Variants in OTOGL observed in about 807,000 individuals in gnomAD.
OTOGL encodes the protein otogelin-like protein.
In OTOGL, 285 loss-of-function variants were observed where a neutral mutation model predicts 318.5. The observed-to-expected ratio is 0.89, with a 90% confidence interval of 0.81 to 0.99. The LOEUF (loss-of-function observed/expected upper bound fraction) is 0.99. Among genes scored for constraint, OTOGL ranks in the 50% least tolerant of loss-of-function variants. The pLI, the probability that OTOGL is intolerant of heterozygous loss-of-function variation, is 0.00. For synonymous variants in OTOGL, 987 were observed against 936.5 expected (o/e 1.05, Z -0.99); for missense variants, 2,899 against 2,845.6 (o/e 1.02, Z -0.43).
chr12:80,175,531 A>C (rs999527710), intron 1 of OTOGL, among the ~76,000 whole-genome samples: 1 of 152,212 alleles, frequency 6.6e-6, no homozygotes, highest in Non-Finnish European at 1.5e-5. Context: ...GCATAAAAGG[A>C]ATAAGCATGA....
chr12:80,153,344 G>A (rs1295042296), intron 1 of OTOGL, among the ~76,000 whole-genome samples: 1 of 152,088 alleles, frequency 6.6e-6, no homozygotes, highest in Non-Finnish European at 1.5e-5. Context: ...ATCCACAAGG[G>A]TTCCAGCCTC....
At chr12:80,314,680 T>C (rs1214151581) in intron 32 of OTOGL, among the ~76,000 whole-genome samples, 1 of 152,150 alleles carries the variant, frequency 6.6e-6, no homozygotes, top group South Asian at 2.1e-4. Context: ...TATTTATAAA[T>C]GTAAACATTG....
intron 26 of OTOGL, among the ~76,000 whole-genome samples, chr12:80,284,518 C>T (rs1290130609): frequency 6.6e-6 from 1 of 152,302 alleles, no homozygotes; most frequent in East Asian, 1.9e-4. Flanking sequence ...GTTCCTATTT[C>T]TCCACATCCT....
intron 47 of OTOGL, 120 bp downstream of exon 47, chr12:80,356,068 C>G: frequency 8.7e-7 from 1 of 1,148,762 alleles, no homozygotes; most frequent in Non-Finnish European, 1.2e-6. Context: ...ATGTCATTTT[C>G]TCAAAGCAAG....
intron 22 of OTOGL, 110 bp downstream of exon 22, chr12:80,267,437 A>T: frequency 2.2e-6 from 1 of 452,696 alleles, no homozygotes; most frequent in South Asian, 9.0e-5. Context: ...GTTCTAGGGT[A>T]TATGTGTACA....
intron 29 of OTOGL, among the ~76,000 whole-genome samples, chr12:80,306,970 G>A (rs1886164922): frequency 6.7e-6 from 1 of 148,558 alleles, no homozygotes. Context: ...CGCAGTGTTT[G>A]TGTCCCTGAT....
intron 1 of OTOGL, among the ~76,000 whole-genome samples, chr12:80,127,631 G>A (rs1190173975): frequency 6.6e-6 from 1 of 152,214 alleles, no homozygotes. Flanking sequence ...ATCCTGCAGA[G>A]TGTTTTCCAA....
chr12:80,134,272 A>G (rs952204433), intron 1 of OTOGL, among the ~76,000 whole-genome samples: 1 of 152,160 alleles, frequency 6.6e-6, no homozygotes, highest in Non-Finnish European at 1.5e-5. Context: ...TAAGAATTCT[A>G]TTTCCATTTA....
intron 57 of OTOGL, among the ~76,000 whole-genome samples, chr12:80,373,880 C>G (rs912342056): frequency 2.0e-4 from 30 of 152,120 alleles, no homozygotes; most frequent in African/African-American, 7.0e-4. Context: ...ATTGCCAGGA[C>G]AAGTTTTAGG....
intron 26 of OTOGL, among the ~76,000 whole-genome samples, chr12:80,285,758 T>C (rs776661084): frequency 2.0e-5 from 3 of 152,200 alleles, no homozygotes; most frequent in Non-Finnish European, 4.4e-5. Flanking sequence ...CTTATCAGCT[T>C]AAGGAGTTTT....
At chr12:80,296,227 C>T (rs962863399) in intron 26 of OTOGL, among the ~76,000 whole-genome samples, 3 of 152,182 alleles carry the variant, frequency 2.0e-5, no homozygotes, top group African/African-American at 7.2e-5. Context: ...ACAAAGCGAC[C>T]TTAGATAATC....
intron 1 of OTOGL, among the ~76,000 whole-genome samples, chr12:80,194,459 A>AT (rs1384081425): frequency 6.6e-6 from 1 of 152,214 alleles, no homozygotes; most frequent in African/African-American, 2.4e-5. Flanking sequence ...CAGAATCACC[A>AT]TAAGTCACCA....
At chr12:80,353,029 T>G (rs1889649974) in intron 45 of OTOGL, among the ~76,000 whole-genome samples, 1 of 152,214 alleles carries the variant, frequency 6.6e-6, no homozygotes, top group African/African-American at 2.4e-5. Flanking sequence ...CCAACCAGAC[T>G]TGGGCTGCCT....
intron 1 of OTOGL, among the ~76,000 whole-genome samples, chr12:80,159,372 C>T (rs1385709448): frequency 6.6e-6 from 1 of 152,090 alleles, no homozygotes; most frequent in Non-Finnish European, 1.5e-5. Flanking sequence ...AGGATTCCCT[C>T]TTTCTCTATC....
At chr12:80,268,123 C>T (rs933012697) in intron 22 of OTOGL, among the ~76,000 whole-genome samples, 13 of 152,120 alleles carry the variant, frequency 8.5e-5, no homozygotes, top group African/African-American at 1.2e-4. Flanking sequence ...AATCTAGGCA[C>T]GTCCATGCAG....
At chr12:80,330,694 C>T (rs1373594085) in intron 37 of OTOGL, among the ~76,000 whole-genome samples, 1 of 152,156 alleles carries the variant, frequency 6.6e-6, no homozygotes, top group Non-Finnish European at 1.5e-5. Flanking sequence ...AAAGCTATTT[C>T]TATTTCTATT....
rs1001293842 is a variant in OTOGL, at chr12:80,378,315, AG to A, written c.*268del. The A allele has an allele frequency of 3.0e-5, 10 of 338,796 alleles. No individual in the cohort carries two copies. Among genetic ancestry groups the A allele is most frequent in the Non-Finnish European group, 4.9e-5 (9 of 184,752 alleles). 21.0% of individuals were successfully genotyped at this position (338,796 alleles called of 1,614,324 possible). On this transcript the variant is annotated 3_prime_UTR_variant, in exon 59 of 59. Transcript: ENST00000547103. ...TATGTATTTAATTACAACTTGGTGC[AG>A]ATACAGTATATTCTCATCAACTGGA...
chr12:80,235,909 C>T (rs1201568114), intron 9 of OTOGL, among the ~76,000 whole-genome samples: 2 of 152,060 alleles, frequency 1.3e-5, no homozygotes, highest in East Asian at 3.9e-4. Context: ...CTATTTCCTC[C>T]CATAGTATAA....
At chr12:80,162,662 A>G (rs1309493441) in intron 1 of OTOGL, among the ~76,000 whole-genome samples, 2 of 151,950 alleles carry the variant, frequency 1.3e-5, no homozygotes, top group East Asian at 1.9e-4. Context: ...CCCTGGGTAC[A>G]TGTCTGTCTC....
Sources: gnomAD v4.1 joint callset for allele counts (sites outside exome capture counted in the v4.1 genomes callset) on GRCh38, gnomAD v4.1.1 for gene constraint, MANE v1.5 for transcripts, NCBI Gene and HGNC (gene_info 2026-07-23, HGNC 2026-07-21) for gene names.